The following CCDC88C variants were observed in gnomAD, a reference collection of about 807,000 sequenced individuals.
The protein encoded by CCDC88C is protein Daple.
CCDC88C carries 131 observed loss-of-function variants against 198.8 expected under a neutral mutation model. That is an observed-to-expected ratio of 0.66 (90% CI 0.57 to 0.76). The LOEUF (loss-of-function observed/expected upper bound fraction) is 0.76. CCDC88C is among the 30% of genes least tolerant of loss of function. CCDC88C has a pLI of 0.00. For missense variants in CCDC88C, 2,553 were observed against 2,631.6 expected (o/e 0.97, Z 0.65); for synonymous variants, 1,166 against 1,114.7 (o/e 1.05, Z -0.92).
intron 4 of CCDC88C, among the ~76,000 whole-genome samples, chr14:91,356,830 G>C (rs1346695480): frequency 6.6e-6 from 1 of 152,132 alleles, no homozygotes; most frequent in Non-Finnish European, 1.5e-5. Context: ...GTGGGGCAGA[G>C]AGGGCAGGCT....
chr14:91,276,924 C>A (rs565389174), intron 29 of CCDC88C, among the ~76,000 whole-genome samples: 2 of 152,134 alleles, frequency 1.3e-5, no homozygotes, highest in Non-Finnish European at 2.9e-5. Flanking sequence ...TCCAGCTAGC[C>A]GCCTGTTTTT....
intron 6 of CCDC88C, among the ~76,000 whole-genome samples, chr14:91,341,736 T>A (rs1423905333): frequency 6.6e-6 from 1 of 152,212 alleles, no homozygotes; most frequent in Non-Finnish European, 1.5e-5. Context: ...GTGGGCGGCC[T>A]CCTTAGCTGA....
At chr14:91,304,042 A>G in intron 19 of CCDC88C, 64 bp from the exon 20 acceptor site, 33 of 1,553,798 alleles carry the variant, frequency 2.1e-5, no homozygotes, top group Non-Finnish European at 2.9e-5. Context: ...GCTGGGGAGC[A>G]GGTCAAGTGC....
In CCDC88C at chr14:91,325,335, C is replaced by T. The variant is rs1158187118; in HGVS notation, c.1198-412G>A. ...ATCAACACTGGCAAAGACCCTTCTT[C>T]CAAGACACACACACACACTCATTCC... is the stretch of plus-strand genomic sequence containing the variant. On this transcript the variant is annotated intron_variant, in intron 11 of 29. Coordinates refer to ENST00000389857, the MANE Select transcript of CCDC88C (RefSeq NM_001080414.4). This position sits in a 1 kb window ranked among gnomAD's most constrained non-coding sequence, Gnocchi z 4.1. Among the ~76,000 whole-genome samples the T allele has an allele frequency of 1.3e-5, 2 of 152,154 alleles. No homozygotes were observed. Among genetic ancestry groups the T allele is most frequent in the Non-Finnish European group, 2.9e-5 (2 of 68,034 alleles).
chr14:91,339,366 T>C lies in CCDC88C; in HGVS notation c.721A>G (p.Thr241Ala), dbSNP rs777412642. 4.3e-6 allele frequency: 7 copies of C among 1,613,466 alleles called. No homozygotes were observed. In the African/African-American group the frequency reaches 9.3e-5, roughly 22 times the overall value. The change falls in exon 8 of 30, where the codon ACC becomes GCC. Residue 241 changes from threonine (T) to alanine (A), a missense_variant. Coordinates refer to ENST00000389857, the MANE Select transcript of CCDC88C (RefSeq NM_001080414.4). This position sits in a 1 kb window ranked among gnomAD's most constrained non-coding sequence, Gnocchi z 5.8. ...TTGTCTTCGCTAGAGAGGCTGCTGG[T>C]GGGGCTGGGAGTGGAGTCGGCGCTG... ...SSSADSTPSP[T>A]SSLSSEDKQH...
intron 10 of CCDC88C, among the ~76,000 whole-genome samples, chr14:91,327,662 G>A (rs1694354204): frequency 6.6e-6 from 1 of 152,234 alleles, no homozygotes. Flanking sequence ...TTGTGTGGGT[G>A]AGAGGCCCCT....
intron 20 of CCDC88C, 131 bp from the exon 21 acceptor site, chr14:91,300,201 G>A: frequency 7.5e-7 from 1 of 1,328,958 alleles, no homozygotes; most frequent in South Asian, 1.4e-5. Flanking sequence ...CTGCAGAAGT[G>A]AGGGGCATGG....
chr14:91,278,605 A>G (rs769174457), intron 28 of CCDC88C, among the ~76,000 whole-genome samples: 27 of 152,172 alleles, frequency 1.8e-4, no homozygotes, highest in Non-Finnish European at 3.7e-4. Flanking sequence ...ATGTTCCGAG[A>G]ATCAAAATCC....
At chr14:91,390,273 A>G (rs1217061142) in intron 3 of CCDC88C, among the ~76,000 whole-genome samples, 1 of 152,116 alleles carries the variant, frequency 6.6e-6, no homozygotes, top group Non-Finnish European at 1.5e-5. Context: ...TCCTTGACAC[A>G]GATTTAAGCA....
rs373650349 is a variant in CCDC88C at position 91,303,892 on chromosome 14, C to T, written c.3444G>A (p.Thr1148=). ...LLQNHHTAKE[T]ENESLQRQQE... ...GCTGCCTCTGCAGGCTTTCGTTCTC[C>T]GTCTCCTTGGCCGTGTGGTGGTTCT... Residue 1148 remains threonine, a synonymous_variant, in exon 20 of 30, where the codon ACG becomes ACA. Transcript: ENST00000389857. 2 of 1,612,962 alleles carry T rather than the reference C, an allele frequency of 1.2e-6. No homozygotes were observed. The highest frequency in any genetic ancestry group is 1.1e-5 in the South Asian group (1 of 91,090).
In CCDC88C at chr14:91,325,708, A is replaced by G. The variant is rs1371177340; in HGVS notation, c.1197+202T>C. 2.0e-5 allele frequency among the ~76,000 whole-genome samples: 3 copies of G among 152,088 alleles called. No individual in the cohort carries two copies. ...CCTCCTGCCTCAGTCTCTCCCAAGT[A>G]GATGGAACTACAGGCTCACACCACC... On this transcript the variant is annotated intron_variant, in intron 11 of 29. Coordinates refer to ENST00000389857, the MANE Select transcript of CCDC88C (RefSeq NM_001080414.4). The surrounding 1 kb of genome is among the most constrained non-coding windows in gnomAD (Gnocchi z 4.1).
chr14:91,408,576 T>C, intron 3 of CCDC88C, 83 bp downstream of exon 3: 3 of 867,964 alleles, frequency 3.5e-6, no homozygotes, highest in Admixed American at 1.9e-5. Flanking sequence ...CACCGTTTCC[T>C]CCCGGCCTCC....
In CCDC88C at chr14:91,339,603, G is replaced by T. The variant is rs1893219556; in HGVS notation, c.625-141C>A. On this transcript the variant is annotated intron_variant, in intron 7 of 29. Transcript: ENST00000389857. This position sits in a 1 kb window ranked among gnomAD's most constrained non-coding sequence, Gnocchi z 5.8. ...GAAACGAGGAGGAAGGTGGGAAAAG[G>T]CTGGCATGGGTTTTGAAAAGAGGTG... 1 of 902,028 alleles carries T rather than the reference G, an allele frequency of 1.1e-6. No homozygotes were observed. The highest frequency in any genetic ancestry group is 1.7e-6 in the Non-Finnish European group (1 of 603,794). The allele number at this position is 902,028 out of a possible 1,614,324, so 55.9% of individuals were successfully genotyped here. A position where few individuals can be genotyped will look rare whatever the true frequency, so the allele number is the denominator to read the frequency against.
chr14:91,391,392 C>T (rs1309866860), intron 3 of CCDC88C, among the ~76,000 whole-genome samples: 1 of 152,176 alleles, frequency 6.6e-6, no homozygotes, highest in Admixed American at 6.5e-5. Context: ...GTGCAACCAT[C>T]CCCACCATCC....
chr14:91,400,609 C>T (rs1018890684), intron 3 of CCDC88C, among the ~76,000 whole-genome samples: 2 of 152,238 alleles, frequency 1.3e-5, no homozygotes, highest in East Asian at 1.9e-4. Flanking sequence ...CCCCAAAAGG[C>T]ACTCAAGATC....
chr14:91,344,467 T>C (rs1893435611), intron 4 of CCDC88C, among the ~76,000 whole-genome samples: 1 of 152,152 alleles, frequency 6.6e-6, no homozygotes, highest in South Asian at 2.1e-4. Flanking sequence ...TAAGTTTGTT[T>C]GGCTGGAGTA....
chr14:91,283,094 C>A (rs535751573), intron 26 of CCDC88C, among the ~76,000 whole-genome samples: 2 of 152,326 alleles, frequency 1.3e-5, no homozygotes, highest in African/African-American at 4.8e-5. Flanking sequence ...CCGGTGGTGG[C>A]AGTGGGTTCT....
chr14:91,328,980 C>T (rs964648910), intron 10 of CCDC88C, among the ~76,000 whole-genome samples: 2 of 152,162 alleles, frequency 1.3e-5, no homozygotes, highest in African/African-American at 4.8e-5. Flanking sequence ...ACCACGATGC[C>T]GTATGGTTCC....
intron 13 of CCDC88C, 91 bp downstream of exon 13, chr14:91,321,029 T>C (rs1225509683): frequency 7.8e-7 from 1 of 1,284,564 alleles, no homozygotes; most frequent in Non-Finnish European, 1.1e-6. Context: ...CCTGGCCCCC[T>C]CCTTGTCTGT....
Sources: allele counts gnomAD v4.1 joint callset (sites outside exome capture counted in the v4.1 genomes callset), GRCh38; gene constraint gnomAD v4.1.1; non-coding constraint Gnocchi (gnomAD v3.1); transcripts MANE v1.5; gene names NCBI Gene and HGNC (gene_info 2026-07-23, HGNC 2026-07-21).